The following SHANK2 variants were observed in gnomAD, a reference collection of about 807,000 sequenced individuals.
The protein encoded by SHANK2 is SH3 and multiple ankyrin repeat domains protein 2.
In SHANK2, 43 loss-of-function variants were observed where a neutral mutation model predicts 133.7. That is an observed-to-expected ratio of 0.32 (90% CI 0.25 to 0.41). The LOEUF (loss-of-function observed/expected upper bound fraction) is 0.41, where lower values mean the gene tolerates loss of function less well. Ranked by LOEUF, SHANK2 falls within the 10% of genes least tolerant of loss-of-function variation. The probability of loss-of-function intolerance (pLI) is 1.00; values close to 1 mark genes in which losing one functional copy is unlikely to be tolerated. For missense variants in SHANK2, 1,994 were observed against 2,235.8 expected (o/e 0.89, Z 2.18); for synonymous variants, 1,017 against 952.8 (o/e 1.07, Z -1.24).
rs2058861799 is a variant in SHANK2, at chr11:70,489,957, GT to G, written c.2551+318del. 4 of 370,354 alleles carry G rather than the reference GT, an allele frequency of 1.1e-5. No individual in the cohort carries two copies. In the Admixed American group the frequency reaches 1.5e-4, roughly 14 times the overall value. 22.9% of individuals were successfully genotyped at this position (370,354 alleles called of 1,614,324 possible). On this transcript the variant is annotated intron_variant, in intron 23 of 25. Transcript: ENST00000601538. ...GAGCAGGGCAGGGTGGGGGAGGGGG[GT>G]TGGCTCGCACCACCCCGCCCACCCT... is the stretch of plus-strand genomic sequence containing the variant.
intron 14 of SHANK2, among the ~76,000 whole-genome samples, chr11:70,747,132 C>G (rs781928888): frequency 2.0e-5 from 3 of 151,778 alleles, no homozygotes; most frequent in African/African-American, 7.3e-5. Context: ...GGGACAAGCC[C>G]GAGGTGGTAA....
rs1228678554 is a variant in SHANK2 at position 70,693,329 on chromosome 11, A to G, written c.1853+5359T>C. Among the ~76,000 whole-genome samples, 3 of 152,208 alleles carry G rather than the reference A, an allele frequency of 2.0e-5. No individual in the cohort carries two copies. The East Asian group carries it at 5.8e-4, about 29-fold the overall frequency. ...ATGAAGCACGAGGTCTTTCTCTGAC[A>G]TTACTGCCTCTAATCTCTTCTAGGC... On this transcript the variant is annotated intron_variant, in intron 15 of 25. Transcript: ENST00000601538.
intron 10 of SHANK2, among the ~76,000 whole-genome samples, chr11:70,920,153 A>G (rs1950329800): frequency 6.6e-6 from 1 of 152,262 alleles, no homozygotes; most frequent in Non-Finnish European, 1.5e-5. Context: ...ATACAGCATA[A>G]TTATCAGTAC....
chr11:70,775,143 A>G (rs760815601), intron 14 of SHANK2, among the ~76,000 whole-genome samples: 2 of 152,074 alleles, frequency 1.3e-5, no homozygotes, highest in Non-Finnish European at 2.9e-5. Context: ...TGGGCGACAA[A>G]GGCAATCCTG....
At chr11:70,537,493 A>C (rs1317881911) in intron 17 of SHANK2, among the ~76,000 whole-genome samples, 1 of 152,242 alleles carries the variant, frequency 6.6e-6, no homozygotes, top group African/African-American at 2.4e-5. Context: ...GATGCAGCCA[A>C]GCCAAGGAAC....
intron 17 of SHANK2, among the ~76,000 whole-genome samples, chr11:70,543,857 G>A (rs1453605978): frequency 6.6e-6 from 1 of 152,174 alleles, no homozygotes; most frequent in African/African-American, 2.4e-5. Flanking sequence ...CACTCTCCAG[G>A]TGAGCAGTGC....
chr11:70,954,118 G>A (rs1383632491), intron 10 of SHANK2, among the ~76,000 whole-genome samples: 1 of 152,246 alleles, frequency 6.6e-6, no homozygotes, highest in African/African-American at 2.4e-5. Context: ...AAGGTCCTGG[G>A]AGAAAACGCC....
At chr11:70,578,204 C>T (rs999884283) in intron 17 of SHANK2, among the ~76,000 whole-genome samples, 2 of 152,190 alleles carry the variant, frequency 1.3e-5, no homozygotes, top group Admixed American at 6.5e-5. Context: ...ACAGATACGG[C>T]GCCTGTCCAA....
chr11:70,612,678 G>A (rs554963432), intron 17 of SHANK2, among the ~76,000 whole-genome samples: 28 of 152,336 alleles, frequency 1.8e-4, no homozygotes, highest in Admixed American at 1.5e-3. Flanking sequence ...AGAGGCACCC[G>A]GGGTCTGCGC....
chr11:70,769,652 C>T (rs138859172), intron 14 of SHANK2, among the ~76,000 whole-genome samples: 4,690 of 152,284 alleles, frequency 0.031, 110 homozygotes, highest in Non-Finnish European at 0.045. Context: ...TGAGGGTGTA[C>T]GTGTGCTGAG....
At chr11:70,789,010 A>G (rs899307660) in intron 14 of SHANK2, among the ~76,000 whole-genome samples, 3 of 152,232 alleles carry the variant, frequency 2.0e-5, no homozygotes, top group African/African-American at 7.2e-5. Flanking sequence ...CACTTCTCAG[A>G]GCAAATGGCA....
At chr11:71,176,203 C>T (rs572258686) in intron 2 of SHANK2, among the ~76,000 whole-genome samples, 1 of 152,252 alleles carries the variant, frequency 6.6e-6, no homozygotes, top group African/African-American at 2.4e-5. Flanking sequence ...ATATTCAAAG[C>T]AAGACCCAAA....
At chr11:71,079,135 C>T (rs1315445262) in intron 8 of SHANK2, among the ~76,000 whole-genome samples, 2 of 152,260 alleles carry the variant, frequency 1.3e-5, no homozygotes, top group African/African-American at 4.8e-5. Context: ...AGGTGTGATG[C>T]TGACAGCACA....
At chr11:71,148,629 T>C (rs1448217455) in intron 2 of SHANK2, among the ~76,000 whole-genome samples, 2 of 152,192 alleles carry the variant, frequency 1.3e-5, no homozygotes, top group African/African-American at 4.8e-5. Flanking sequence ...TAGAAGATTG[T>C]TCCCTGCCAA....
chr11:71,231,300 T>C (rs1338726573), intron 1 of SHANK2, among the ~76,000 whole-genome samples: 5 of 152,108 alleles, frequency 3.3e-5, no homozygotes, highest in African/African-American at 1.2e-4. Context: ...CAGATGGCAA[T>C]AAGCACATGA....
chr11:70,758,995 C>T (rs1565297278), intron 14 of SHANK2, among the ~76,000 whole-genome samples: 1 of 151,632 alleles, frequency 6.6e-6, no homozygotes, highest in Admixed American at 6.6e-5. Flanking sequence ...TCTGTCTCCA[C>T]TAAAAATACA....
chr11:70,843,877 C>T (rs1440786051), intron 11 of SHANK2, among the ~76,000 whole-genome samples: 2 of 152,150 alleles, frequency 1.3e-5, no homozygotes, highest in Non-Finnish European at 2.9e-5. Context: ...ACAAATATCT[C>T]CTGGTGCTTC....
Position 71,197,746 on chromosome 11 carries a change from G to A in SHANK2, c.-13+26951C>T, listed in dbSNP as rs146496422. Among the ~76,000 whole-genome samples, 405 of 152,314 alleles carry A rather than the reference G, an allele frequency of 2.7e-3. 1 individual carries two copies. The highest frequency in any genetic ancestry group is 9.3e-3 in the African/African-American group (387 of 41,564). Reference sequence around the variant, plus strand: ...ACTCACTGCAAGCTCCGCCTCCCAGGTTCATGCCATTCTCCTGTCTCAGCC... The same window carrying A: ...ACTCACTGCAAGCTCCGCCTCCCAGATTCATGCCATTCTCCTGTCTCAGCC... On this transcript the variant is annotated intron_variant, in intron 2 of 25. Coordinates refer to ENST00000601538, the MANE Select transcript of SHANK2 (RefSeq NM_012309.5).
rs1017512714 is a variant in SHANK2, at chr11:70,811,322, G to A, written c.1494-4151C>T. 3.5e-4 allele frequency among the ~76,000 whole-genome samples: 53 copies of A among 152,208 alleles called. No individual in the cohort carries two copies. The South Asian group carries it at 7.5e-3, about 21-fold the overall frequency. On this transcript the variant is annotated intron_variant, in intron 12 of 25. Transcript: ENST00000601538. ...AACTTAGGAACCAAATGAGGAGTGC[G>A]TCTTCTCAGGATTTCCACACCCAAA... is the stretch of plus-strand genomic sequence containing the variant.
Sources: allele counts gnomAD v4.1 joint callset (sites outside exome capture counted in the v4.1 genomes callset), GRCh38; gene constraint gnomAD v4.1.1; transcripts MANE v1.5; gene names NCBI Gene and HGNC (gene_info 2026-07-23, HGNC 2026-07-21).